The following ROBO2 variants were observed in gnomAD, a reference collection of about 807,000 sequenced individuals.
ROBO2 encodes roundabout homolog 2.
In ROBO2, 53 loss-of-function variants were observed where a neutral mutation model predicts 160.8. The observed-to-expected ratio is 0.33, with a 90% confidence interval of 0.26 to 0.41. The LOEUF (loss-of-function observed/expected upper bound fraction) is 0.41, where lower values mean the gene tolerates loss of function less well. Among genes scored for constraint, ROBO2 ranks in the 10% least tolerant of loss-of-function variants. The pLI is 1.00. For missense variants in ROBO2, 1,577 were observed against 1,722.4 expected (o/e 0.92, Z 1.49); for synonymous variants, 664 against 611.7 (o/e 1.09, Z -1.26).
At chr3:76,478,600 C>A (rs1317664799) in intron 2 of ROBO2, among the ~76,000 whole-genome samples, 2 of 151,828 alleles carry the variant, frequency 1.3e-5, no homozygotes, top group Non-Finnish European at 2.9e-5. Flanking sequence ...TTGTATAGAT[C>A]CAGATATTAG....
At chr3:76,936,504 C>T (rs1169422914) in intron 2 of ROBO2, among the ~76,000 whole-genome samples, 2 of 151,866 alleles carry the variant, frequency 1.3e-5, no homozygotes, top group Non-Finnish European at 2.9e-5. Flanking sequence ...CAGCGTTGCT[C>T]CTCCAAGTCA....
intron 2 of ROBO2, among the ~76,000 whole-genome samples, chr3:76,343,034 G>T (rs978873207): frequency 6.6e-6 from 1 of 151,832 alleles, no homozygotes; most frequent in East Asian, 1.9e-4. Flanking sequence ...GTAATCAAAT[G>T]TTCCAAAGAC....
At chr3:76,172,304 A>C (rs2073072365) in intron 2 of ROBO2, among the ~76,000 whole-genome samples, 1 of 137,722 alleles carries the variant, frequency 7.3e-6, no homozygotes, top group Non-Finnish European at 1.6e-5. Context: ...GGGGGGAGGG[A>C]TAGCATTAGG....
intron 2 of ROBO2, among the ~76,000 whole-genome samples, chr3:77,420,527 A>C (rs2077622495): frequency 6.6e-6 from 1 of 152,094 alleles, no homozygotes. Flanking sequence ...TCCATTTAGC[A>C]GCTGTACAGT....
intron 2 of ROBO2, among the ~76,000 whole-genome samples, chr3:76,674,448 G>T (rs1196095625): frequency 2.6e-5 from 4 of 151,946 alleles, no homozygotes; most frequent in Non-Finnish European, 4.4e-5. Context: ...TTCATCATTG[G>T]CTGTCATGCT....
intron 2 of ROBO2, among the ~76,000 whole-genome samples, chr3:75,944,088 TTTCCTGCCAGAA>T (rs1948174215): frequency 6.6e-6 from 1 of 152,080 alleles, no homozygotes; most frequent in East Asian, 1.9e-4. Context: ...TTTCTAGGAC[TTTCCTGCCAGAA>T]AAGTAGGAAT....
At chr3:77,093,175 A>G (rs1488997652) in intron 1 of ROBO2, among the ~76,000 whole-genome samples, 1 of 152,102 alleles carries the variant, frequency 6.6e-6, no homozygotes. Context: ...AAGAGAGGGG[A>G]ATCTTGTTAA....
intron 2 of ROBO2, among the ~76,000 whole-genome samples, chr3:76,379,640 T>C (rs1472894986): frequency 6.6e-6 from 1 of 152,200 alleles, no homozygotes; most frequent in Non-Finnish European, 1.5e-5. Flanking sequence ...TCTGTACTCT[T>C]ATTTCAAGAT....
At position 77,522,843 on chromosome 3, in the gene ROBO2, T is replaced by C. The variant is rs2090750337; in HGVS notation, c.875T>C (p.Met292Thr). ...ATGAGTACAGATGAAGGCACCTATA[T>C]GTGTATTGCTGAGAATCGGGTTGGA... Residue 292 changes from methionine (M) to threonine (T), a missense_variant, in exon 6 of 26, where the codon ATG (methionine) becomes ACG (threonine). By Grantham distance (81) the Met-to-Thr change is moderately conservative (BLOSUM62 -1). Coordinates refer to ENST00000461745, the Ensembl canonical transcript of ROBO2. 4 of 1,609,690 alleles carry C rather than the reference T, an allele frequency of 2.5e-6. No homozygotes were observed. Among genetic ancestry groups the C allele is most frequent in the Admixed American group, 1.7e-5 (1 of 59,684 alleles).
At chr3:76,947,622 A>C (rs1279050648) in intron 2 of ROBO2, among the ~76,000 whole-genome samples, 1 of 151,216 alleles carries the variant, frequency 6.6e-6, no homozygotes, top group Non-Finnish European at 1.5e-5. Flanking sequence ...TTTCTTAGTT[A>C]ACAATTTCAA....
intron 2 of ROBO2, among the ~76,000 whole-genome samples, chr3:77,212,813 T>C (rs966594909): frequency 2.6e-5 from 4 of 152,230 alleles, no homozygotes; most frequent in African/African-American, 9.7e-5. Context: ...AAAGGCCTTT[T>C]CTGCATCTAT....
At chr3:77,363,117 C>T (rs9831622) in intron 2 of ROBO2, among the ~76,000 whole-genome samples, 62,386 of 151,950 alleles carry the variant, frequency 0.41, 13,563 homozygotes, top group East Asian at 0.72. Context: ...TCAGGTTGAA[C>T]CCAGTGAGCA....
chr3:76,438,410 TCACA>T (rs35326545), intron 2 of ROBO2, among the ~76,000 whole-genome samples: 4,164 of 146,256 alleles, frequency 0.028, 106 homozygotes, highest in African/African-American at 0.065. Flanking sequence ...TGTAATCAGT[TCACA>T]CACACACACA....
intron 2 of ROBO2, among the ~76,000 whole-genome samples, chr3:76,582,033 A>G (rs1248124874): frequency 6.6e-6 from 1 of 152,168 alleles, no homozygotes; most frequent in Non-Finnish European, 1.5e-5. Context: ...TTGATGGGAC[A>G]TGAAGAGGGT....
At position 76,657,774 on chromosome 3, in the gene ROBO2, GTATGTGTATA is replaced by G. The variant is rs1312590535; in HGVS notation, c.110-440236_110-440227del. ...TATATGTATATATATATGTTCATAG[GTATGTGTATA>G]TATATGTTCATATATATGTGTGTAT... On this transcript the variant is annotated intron_variant, in intron 2 of 26. Transcript: ENST00000487694. Among the ~76,000 whole-genome samples, 5 of 144,896 alleles carry G rather than the reference GTATGTGTATA, an allele frequency of 3.5e-5. No homozygotes were observed. The East Asian group carries it at 9.9e-4, about 29-fold the overall frequency.
At chr3:76,461,226 G>T (rs1476188893) in intron 2 of ROBO2, among the ~76,000 whole-genome samples, 1 of 152,052 alleles carries the variant, frequency 6.6e-6, no homozygotes, top group African/African-American at 2.4e-5. Context: ...GGGGTTGTAG[G>T]GGAGGTGTCA....
rs1056865770 is a variant in ROBO2 at position 76,203,719 on chromosome 3, C to T, written c.109+266117C>T. ...CCTGAGTGAGATTGCCTCAGGCTATCGGCTTCCCCCATAATTTCTTCTCCT... is the reference window on the plus strand; with the variant it reads ...CCTGAGTGAGATTGCCTCAGGCTATTGGCTTCCCCCATAATTTCTTCTCCT... On this transcript the variant is annotated intron_variant, in intron 2 of 26. Coordinates refer to the ROBO2 transcript ENST00000487694. 2.1e-4 allele frequency among the ~76,000 whole-genome samples: 32 copies of T among 151,616 alleles called. No individual in the cohort carries two copies. In the South Asian group the frequency reaches 2.7e-3, roughly 13 times the overall value.
Position 77,311,315 on chromosome 3 carries a change from C to T in ROBO2, c.389-166099C>T, listed in dbSNP as rs987994850. Among the ~76,000 whole-genome samples the T allele has an allele frequency of 3.9e-5, 6 of 152,188 alleles. No homozygotes were observed. The South Asian group carries it at 8.3e-4, about 21-fold the overall frequency. Reference sequence around the variant, plus strand: ...TGCACCGGAAATATCCCGGTGCTTTCGGTAGCTCCAATCAAATATGTCTTA... The same window carrying T: ...TGCACCGGAAATATCCCGGTGCTTTTGGTAGCTCCAATCAAATATGTCTTA... On this transcript the variant is annotated intron_variant, in intron 2 of 25. Coordinates refer to ENST00000461745, the Ensembl canonical transcript of ROBO2.
intron 2 of ROBO2, among the ~76,000 whole-genome samples, chr3:76,580,342 G>GTTTTTTTTTTTTTT (rs71101901): frequency 4.7e-4 from 43 of 90,544 alleles, no homozygotes; most frequent in African/African-American, 1.0e-3. Context: ...TTTTTTTTGT[G>GTTTTTTTTTTTTTT]TTTTTTTTTT....
Sources: gnomAD v4.1 joint callset for allele counts (sites outside exome capture counted in the v4.1 genomes callset) on GRCh38, gnomAD v4.1.1 for gene constraint, MANE v1.5 for transcripts, NCBI Gene and HGNC (gene_info 2026-07-23, HGNC 2026-07-21) for gene names.